The following MTFR1 variants were observed in gnomAD, a reference collection of about 807,000 sequenced individuals.
MTFR1 encodes chondrocyte protein with a poly-proline region.
MTFR1 carries 28 observed loss-of-function variants against 38.8 expected under a neutral mutation model. The observed-to-expected ratio is 0.72, with a 90% CI of 0.53 to 0.99. MTFR1 has a LOEUF of 0.99. MTFR1 is among the 50% of genes least tolerant of loss of function. The probability of loss-of-function intolerance (pLI) is 0.00; values close to 1 mark genes in which losing one functional copy is unlikely to be tolerated. For synonymous variants in MTFR1, 145 were observed against 137.0 expected, an observed-to-expected ratio of 1.06 and a Z score of -0.41; for missense variants, 358 against 395.5, an observed-to-expected ratio of 0.91 and a Z score of 0.81.
intron 1 of MTFR1, among the ~76,000 whole-genome samples, chr8:65,663,529 TA>T (rs377759904): frequency 0.23 from 28,912 of 123,230 alleles, 3,009 homozygotes; most frequent in Middle Eastern, 0.27. Flanking sequence ...ATGATCAATT[TA>T]AAAAAAAAAA....
intron 3 of MTFR1, chr8:65,723,435 A>C (rs1231863971): frequency 9.2e-7 from 1 of 1,087,488 alleles, no homozygotes; most frequent in East Asian, 3.4e-5. Flanking sequence ...ATTTTTAAAA[A>C]TAGAAATGAG....
At chr8:65,664,813 C>T (rs1460485678) in intron 1 of MTFR1, among the ~76,000 whole-genome samples, 2 of 151,408 alleles carry the variant, frequency 1.3e-5, no homozygotes, top group East Asian at 1.9e-4. Context: ...GTCTTGAACT[C>T]CTAACCTTAG....
rs146192029 is a variant in MTFR1, at chr8:65,734,017, A to G, written c.*48+14536A>G. On this transcript the variant is annotated intron_variant, in intron 3 of 3. Transcript: ENST00000521247. ...AACACCTGCAGACAATGATTCCCAA[A>G]TCCATACATTAAGTCTGATTTCTCT... is the stretch of plus-strand genomic sequence containing the variant. 2.6e-3 allele frequency among the ~76,000 whole-genome samples: 399 copies of G among 152,318 alleles called. 5 individuals carry two copies. In the South Asian group the frequency reaches 0.035, roughly 13 times the overall value.
rs570660651 is a variant in MTFR1, at chr8:65,681,677, T to G, written c.67-676T>G. On this transcript the variant is annotated intron_variant, in intron 2 of 7. Transcript: ENST00000262146. Reference sequence around the variant, plus strand: ...TGTGCTTTTTGTTGTTTTTGTTTTTTTTTTTTTTTTGCTTTGAGGGTTTGT... The same window carrying G: ...TGTGCTTTTTGTTGTTTTTGTTTTTGTTTTTTTTTTGCTTTGAGGGTTTGT... 1.5e-3 allele frequency among the ~76,000 whole-genome samples: 223 copies of G among 151,588 alleles called. No individual in the cohort carries two copies. In the Middle Eastern group the frequency reaches 0.017, roughly 12 times the overall value.
At chr8:65,710,678 A>G (rs1356530221), downstream of MTFR1, 1 of 152,182 alleles carries the variant, frequency 6.6e-6, no homozygotes, top group Non-Finnish European at 1.5e-5. Context: ...TCCTTAAAAT[A>G]AGCTCTTAAA....
chr8:65,658,401 C>T (rs1381520971), intron 1 of MTFR1, among the ~76,000 whole-genome samples: 3 of 152,246 alleles, frequency 2.0e-5, no homozygotes, highest in South Asian at 2.1e-4. Flanking sequence ...AAATTTTAGT[C>T]GAGCTACATA....
rs559806876 is a variant in MTFR1 at position 65,733,550 on chromosome 8, G to A, written c.*48+14069G>A. ...CTGGCCTCCAGCTTGAGCCCAGGATGTCGAGGCTGCAGTGAGCCATGATCA... is the reference window on the plus strand; with the variant it reads ...CTGGCCTCCAGCTTGAGCCCAGGATATCGAGGCTGCAGTGAGCCATGATCA... On this transcript the variant is annotated intron_variant, in intron 3 of 3. Coordinates refer to the MTFR1 transcript ENST00000521247. Among the ~76,000 whole-genome samples the A allele has an allele frequency of 3.9e-5, 6 of 152,102 alleles. 1 individual carries two copies. Among genetic ancestry groups the A allele is most frequent in the African/African-American group, 1.4e-4 (6 of 41,496 alleles).
At chr8:65,756,637 T>C (rs1350614654) in intron 3 of MTFR1, among the ~76,000 whole-genome samples, 1 of 152,206 alleles carries the variant, frequency 6.6e-6, no homozygotes, top group African/African-American at 2.4e-5. Context: ...TGTTTGTACA[T>C]TGTTTTCCTT....
intron 1 of MTFR1, among the ~76,000 whole-genome samples, chr8:65,659,482 C>G (rs1809354498): frequency 6.6e-6 from 1 of 151,214 alleles, no homozygotes; most frequent in Non-Finnish European, 1.5e-5. Flanking sequence ...GTGTCACTCC[C>G]CCATAGGCTG....
intron 3 of MTFR1, among the ~76,000 whole-genome samples, chr8:65,750,655 C>T (rs993557951): frequency 6.6e-6 from 1 of 152,150 alleles, no homozygotes; most frequent in African/African-American, 2.4e-5. Context: ...TGGTAGGATA[C>T]ATACTGTCAA....
chr8:65,693,603 G>C (rs1364556868), intron 3 of MTFR1, 41 bp from the exon 4 acceptor site: 1 of 1,558,644 alleles, frequency 6.4e-7, no homozygotes, highest in East Asian at 2.2e-5. Flanking sequence ...ACATTTTGGT[G>C]CCATCTTTGG....
the MTFR1 span, among the ~76,000 whole-genome samples, chr8:65,777,876 A>T: frequency 3.9e-5 from 6 of 152,126 alleles, no homozygotes; most frequent in East Asian, 1.2e-3. Context: ...CTTAGGTGTG[A>T]TTTTCTTTTA....
chr8:65,671,540 TAAAAAA>T (rs34214439), intron 2 of MTFR1, among the ~76,000 whole-genome samples: 1 of 124,614 alleles, frequency 8.0e-6, no homozygotes, highest in Non-Finnish European at 1.7e-5. Context: ...ACCCTATCTT[TAAAAAA>T]AAAAAAAAAA....
chr8:65,693,538 TG>T, intron 3 of MTFR1, 105 bp from the exon 4 acceptor site: 1 of 771,150 alleles, frequency 1.3e-6, no homozygotes, highest in Non-Finnish European at 2.2e-6. Context: ...AAACCACTCA[TG>T]TGTTTTTAAC....
intron 3 of MTFR1, among the ~76,000 whole-genome samples, chr8:65,746,957 C>T (rs1438056112): frequency 6.6e-6 from 1 of 152,162 alleles, no homozygotes. Context: ...ACTTAAAATA[C>T]ATTGGAAATT....
chr8:65,652,800 G>C (rs534130417), intron 1 of MTFR1, among the ~76,000 whole-genome samples: 2 of 152,312 alleles, frequency 1.3e-5, no homozygotes, highest in African/African-American at 4.8e-5. Context: ...TACATCATCT[G>C]TAAACAAGGA....
intron 3 of MTFR1, among the ~76,000 whole-genome samples, chr8:65,758,261 ATCAGGCCC>A (rs936335798): frequency 4.6e-5 from 7 of 152,150 alleles, no homozygotes; most frequent in Non-Finnish European, 1.5e-5. Flanking sequence ...ACCCACCCCC[ATCAGGCCC>A]TCAGGAATTC....
Position 65,707,118 on chromosome 8 carries a change from A to G in MTFR1, c.626A>G (p.Asp209Gly). The stretch of plus-strand genomic sequence containing the variant: ...CTCCACCAAAGTACATCTGCTGTTG[A>G]TCTGATTAAAGAACGAAGAGAGAAA... ...LGLHQSTSAVDLIKERREKRA... is the reference protein window; with the variant it reads ...LGLHQSTSAVGLIKERREKRA... The change falls in exon 6 of 8, where the codon GAT becomes GGT. Residue 209 changes from aspartate (D) to glycine (G), a missense_variant. Asp to Gly is a moderately conservative substitution (Grantham distance 94, BLOSUM62 -1). Transcript: ENST00000262146. 6.7e-7 allele frequency: 1 copy of G among 1,486,774 alleles called. No individual in the cohort carries two copies. The highest frequency in any genetic ancestry group is 9.1e-7 in the Non-Finnish European group (1 of 1,100,394). 92.1% of individuals were successfully genotyped at this position (1,486,774 alleles called of 1,614,324 possible).
chr8:65,708,241 T>C, intron 7 of MTFR1: 1 of 872,058 alleles, frequency 1.1e-6, no homozygotes, highest in Non-Finnish European at 1.7e-6. Flanking sequence ...AGTTGTTCAT[T>C]TGGAAATTTG....
Sources: gnomAD v4.1 joint callset for allele counts (sites outside exome capture counted in the v4.1 genomes callset) on GRCh38, gnomAD v4.1.1 for gene constraint, MANE v1.5 for transcripts, NCBI Gene and HGNC (gene_info 2026-07-23, HGNC 2026-07-21) for gene names.